PTPRM: variants seen among roughly 807,000 people sequenced by gnomAD.
PTPRM encodes receptor-type tyrosine-protein phosphatase mu.
Under a neutral mutation model 186.7 loss-of-function variants are expected in PTPRM, and 47 were observed. That is an observed-to-expected ratio of 0.25 (90% CI 0.20 to 0.32). PTPRM has a LOEUF of 0.32. Among genes scored for constraint, PTPRM ranks in the 10% least tolerant of loss-of-function variants. The probability of loss-of-function intolerance (pLI) is 1.00; values close to 1 mark genes in which losing one functional copy is unlikely to be tolerated. For synonymous variants in PTPRM, 668 were observed against 674.9 expected, an observed-to-expected ratio of 0.99 and a Z score of 0.16; for missense variants, 1,494 against 1,865.0, an observed-to-expected ratio of 0.80 and a Z score of 3.66.
intron 19 of PTPRM, among the ~76,000 whole-genome samples, chr18:8,262,874 C>G (rs963483406): frequency 2.6e-5 from 4 of 152,132 alleles, no homozygotes. Flanking sequence ...CATATTTAAA[C>G]ACATACACCT....
At chr18:8,074,329 CT>C (rs2089671097) in intron 8 of PTPRM, among the ~76,000 whole-genome samples, 1 of 152,092 alleles carries the variant, frequency 6.6e-6, no homozygotes, top group South Asian at 2.1e-4. Flanking sequence ...GTTGTTTTCA[CT>C]TTTTGGCTAT....
intron 1 of PTPRM, among the ~76,000 whole-genome samples, chr18:7,623,610 T>G (rs1249203550): frequency 6.6e-6 from 1 of 152,216 alleles, no homozygotes; most frequent in Non-Finnish European, 1.5e-5. Context: ...TATTATTTTT[T>G]GGGTTGTTGG....
intron 1 of PTPRM, among the ~76,000 whole-genome samples, chr18:7,618,252 C>T (rs2143939567): frequency 6.6e-6 from 1 of 152,216 alleles, no homozygotes; most frequent in Middle Eastern, 3.4e-3. Flanking sequence ...GAAAATGTTC[C>T]CTGAGGGAAG....
At chr18:7,992,629 G>A (rs1013548635) in intron 7 of PTPRM, among the ~76,000 whole-genome samples, 5 of 152,012 alleles carry the variant, frequency 3.3e-5, no homozygotes, top group African/African-American at 4.8e-5. Flanking sequence ...CTGGTAGTAC[G>A]GTACAGGAAG....
At chr18:7,871,953 A>C (rs2146191791) in intron 2 of PTPRM, among the ~76,000 whole-genome samples, 1 of 152,362 alleles carries the variant, frequency 6.6e-6, no homozygotes, top group East Asian at 1.9e-4. Context: ...ATGATAAAGA[A>C]GAAAAAATTA....
intron 2 of PTPRM, among the ~76,000 whole-genome samples, chr18:7,834,489 T>TACACACACACAC (rs1555613378): frequency 1.3e-3 from 5 of 3,798 alleles, no homozygotes; most frequent in Non-Finnish European, 2.4e-3. Context: ...AATATACAAG[T>TACACACACACAC]ATACACACAC....
At chr18:8,352,110 T>C (rs188467086) in intron 23 of PTPRM, among the ~76,000 whole-genome samples, 38 of 152,360 alleles carry the variant, frequency 2.5e-4, no homozygotes, top group Admixed American at 1.1e-3. Context: ...AAGATAGTTA[T>C]AATTCACTTG....
At chr18:7,588,696 A>AT (rs1411831736) in intron 1 of PTPRM, among the ~76,000 whole-genome samples, 1 of 152,172 alleles carries the variant, frequency 6.6e-6, no homozygotes, top group Admixed American at 6.5e-5. Context: ...ACCAGAAGTA[A>AT]TTTTTTGTGT....
intron 2 of PTPRM, among the ~76,000 whole-genome samples, chr18:7,871,568 T>C (rs1345989276): frequency 6.6e-6 from 1 of 152,226 alleles, no homozygotes; most frequent in Non-Finnish European, 1.5e-5. Flanking sequence ...TGTAACAGGC[T>C]CACAAATGTT....
intron 14 of PTPRM, among the ~76,000 whole-genome samples, chr18:8,165,832 G>A (rs966162555): frequency 1.2e-4 from 19 of 152,120 alleles, no homozygotes; most frequent in Admixed American, 2.0e-4. Flanking sequence ...AGCTCCCCAC[G>A]TGCAGAATTG....
intron 7 of PTPRM, among the ~76,000 whole-genome samples, chr18:7,979,984 A>G (rs948234327): frequency 1.3e-5 from 2 of 152,194 alleles, no homozygotes; most frequent in African/African-American, 4.8e-5. Context: ...GCCTCTGGGC[A>G]TGCTGGCTCC....
chr18:7,638,761 T>C (rs1452680400), intron 1 of PTPRM, among the ~76,000 whole-genome samples: 1 of 152,234 alleles, frequency 6.6e-6, no homozygotes, highest in Non-Finnish European at 1.5e-5. Context: ...CAATTAATGC[T>C]TTTTACTCTT....
intron 1 of PTPRM, among the ~76,000 whole-genome samples, chr18:7,700,941 C>T (rs1396323858): frequency 2.1e-5 from 3 of 139,910 alleles, no homozygotes; most frequent in Non-Finnish European, 3.0e-5. Context: ...CGCACCACTG[C>T]ACTCCAGCCT....
chr18:8,358,523 G>A (rs1045964703), intron 23 of PTPRM, among the ~76,000 whole-genome samples: 1 of 152,146 alleles, frequency 6.6e-6, no homozygotes, highest in African/African-American at 2.4e-5. Context: ...TAACCCCTTG[G>A]AGTCTGTTCA....
In PTPRM at chr18:8,103,335, T is replaced by C. The variant is rs141354995; in HGVS notation, c.1857-10151T>C. Among the ~76,000 whole-genome samples the C allele has an allele frequency of 5.5e-3, 838 of 152,370 alleles. 10 individuals are homozygous for C. The highest frequency in any genetic ancestry group is 0.019 in the African/African-American group (776 of 41,588). The stretch of plus-strand genomic sequence containing the variant: ...CCAATAGAAGGCCATTTCATCTACA[T>C]TGAAAATCTGTGGTTTAGTGTTGTC... On this transcript the variant is annotated intron_variant, in intron 11 of 32. Transcript: ENST00000580170.
chr18:7,696,930 T>G (rs556993419), intron 1 of PTPRM, among the ~76,000 whole-genome samples: 10 of 152,350 alleles, frequency 6.6e-5, no homozygotes, highest in African/African-American at 2.4e-4. Flanking sequence ...GTGTCTTTAC[T>G]GTGCGGGCTT....
chr18:8,283,177 T>TAC (rs1297612624), intron 19 of PTPRM, among the ~76,000 whole-genome samples: 25 of 152,156 alleles, frequency 1.6e-4, no homozygotes, highest in Non-Finnish European at 2.9e-5. Flanking sequence ...CATGGAACTA[T>TAC]ACACACACAC....
chr18:8,007,192 T>C (rs1182592760), intron 7 of PTPRM, among the ~76,000 whole-genome samples: 1 of 152,224 alleles, frequency 6.6e-6, no homozygotes, highest in East Asian at 1.9e-4. Flanking sequence ...GGGTAATGGA[T>C]CTGTTTCTTG....
At chr18:8,390,988 A>C (rs2095808753) in intron 31 of PTPRM, among the ~76,000 whole-genome samples, 1 of 150,372 alleles carries the variant, frequency 6.7e-6, no homozygotes, top group Non-Finnish European at 1.5e-5. Context: ...CCGAATAGCC[A>C]ATGAGCATAG....
Sources: allele counts gnomAD v4.1 joint callset (sites outside exome capture counted in the v4.1 genomes callset), GRCh38; gene constraint gnomAD v4.1.1; transcripts MANE v1.5; gene names NCBI Gene and HGNC (gene_info 2026-07-23, HGNC 2026-07-21).